The following CADPS variants were observed in gnomAD, a reference collection of about 807,000 sequenced individuals.
The protein encoded by CADPS is calcium dependent secretion activator.
Under a neutral mutation model 167.3 loss-of-function variants are expected in CADPS, and 57 were observed. That is an observed-to-expected ratio of 0.34 (90% CI 0.28 to 0.42). The LOEUF (loss-of-function observed/expected upper bound fraction) is 0.42. Ranked by LOEUF, CADPS falls within the 20% of genes least tolerant of loss-of-function variation. The pLI, the probability that CADPS is intolerant of heterozygous loss-of-function variation, is 1.00. For synonymous variants in CADPS, 676 were observed against 635.3 expected (o/e 1.06, Z -0.96); for missense variants, 1,414 against 1,738.1 (o/e 0.81, Z 3.32).
intron 4 of CADPS, among the ~76,000 whole-genome samples, chr3:62,657,274 G>C (rs1272890388): frequency 6.6e-6 from 1 of 152,114 alleles, no homozygotes. Flanking sequence ...ACGGGTCTAA[G>C]TGGCATTTTC....
intron 1 of CADPS, among the ~76,000 whole-genome samples, chr3:62,814,888 G>T (rs2094544274): frequency 6.6e-6 from 1 of 152,122 alleles, no homozygotes; most frequent in African/African-American, 2.4e-5. Flanking sequence ...TCAATGAAAT[G>T]AATCACTAAA....
chr3:62,420,535 T>C lies in CADPS; in HGVS notation c.3778-17350A>G, dbSNP rs1178994948. Among the ~76,000 whole-genome samples, 3 of 151,870 alleles carry C rather than the reference T, an allele frequency of 2.0e-5. No homozygotes were observed. Among genetic ancestry groups the C allele is most frequent in the African/African-American group, 4.8e-5 (2 of 41,340 alleles). The stretch of plus-strand genomic sequence containing the variant: ...CTGGAGGAGGGAAGATGGCAGCAGA[T>C]TGGGGAGAGCATGGCAGGCAGCACA... On this transcript the variant is annotated intron_variant, in intron 28 of 29. Transcript: ENST00000383710. The surrounding 1 kb of genome is among the most constrained non-coding windows in gnomAD (Gnocchi z 4.1).
At chr3:62,819,407 CGT>C (rs3047244) in intron 1 of CADPS, among the ~76,000 whole-genome samples, 7,557 of 143,886 alleles carry the variant, frequency 0.053, 187 homozygotes, top group Middle Eastern at 0.078. Context: ...AATCTGTGTG[CGT>C]GTGTGTGTGT....
In CADPS at chr3:62,874,296, C is replaced by T. The variant is rs1272728422; in HGVS notation, c.441+293G>A. ...TCCCCGAGCCTCTCGGTCCACAAAG[C>T]GGGACCTGCCTGCCTCGCTCACCAA... On this transcript the variant is annotated intron_variant, in intron 1 of 29. Transcript: ENST00000383710. This position sits in a 1 kb window ranked among gnomAD's most constrained non-coding sequence, Gnocchi z 7.1. Among the ~76,000 whole-genome samples, 3 of 152,188 alleles carry T rather than the reference C, an allele frequency of 2.0e-5. No homozygotes were observed. Among genetic ancestry groups the T allele is most frequent in the African/African-American group, 4.8e-5 (2 of 41,468 alleles).
intron 6 of CADPS, among the ~76,000 whole-genome samples, chr3:62,620,075 ATTTTT>A (rs562643759): frequency 1.4e-5 from 2 of 147,500 alleles, no homozygotes; most frequent in African/African-American, 5.0e-5. Flanking sequence ...GGTGCTATTG[ATTTTT>A]TTTTTTAACT....
intron 3 of CADPS, among the ~76,000 whole-genome samples, chr3:62,675,377 A>T (rs1443688716): frequency 2.6e-5 from 4 of 152,182 alleles, no homozygotes; most frequent in Admixed American, 2.6e-4. Context: ...GAATATCTAG[A>T]AATTGCTTGA....
At chr3:62,698,907 T>A (rs1159204632) in intron 3 of CADPS, among the ~76,000 whole-genome samples, 1 of 149,684 alleles carries the variant, frequency 6.7e-6, no homozygotes, top group African/African-American at 2.5e-5. Flanking sequence ...GCCCAGCTAT[T>A]TTTTTTAAAA....
At chr3:62,750,139 GT>G (rs2082367002) in intron 3 of CADPS, among the ~76,000 whole-genome samples, 2 of 151,880 alleles carry the variant, frequency 1.3e-5, no homozygotes, top group African/African-American at 2.4e-5. Context: ...GTCACCTGAG[GT>G]CCAGAGTTTG....
intron 1 of CADPS, among the ~76,000 whole-genome samples, chr3:62,870,548 G>T (rs1455713593): frequency 2.0e-5 from 3 of 152,092 alleles, no homozygotes; most frequent in Admixed American, 1.3e-4. Context: ...GATACAAGCT[G>T]AATCATACAG....
rs565799615 is a variant in CADPS, at chr3:62,544,078, C to A, written c.1966+5825G>T. Among the ~76,000 whole-genome samples, 1 of 151,816 alleles carries A rather than the reference C, an allele frequency of 6.6e-6. No homozygotes were observed. The highest frequency in any genetic ancestry group is 1.5e-5 in the Non-Finnish European group (1 of 67,954). On this transcript the variant is annotated intron_variant, in intron 11 of 29. Transcript: ENST00000383710. The surrounding 1 kb of genome is among the most constrained non-coding windows in gnomAD (Gnocchi z 4.4). ...GTCAACCTTGATACCAAGGTTAATA[C>A]CTTGGCATTGTAAGACTGTGAATCC...
intron 22 of CADPS, among the ~76,000 whole-genome samples, chr3:62,480,617 C>T (rs773312524): frequency 1.2e-4 from 19 of 152,212 alleles, no homozygotes; most frequent in East Asian, 3.9e-4. Flanking sequence ...TGCTGAGGGC[C>T]GTCTTGATGA....
At chr3:62,731,873 C>T (rs920146025) in intron 3 of CADPS, among the ~76,000 whole-genome samples, 14 of 138,472 alleles carry the variant, frequency 1.0e-4, no homozygotes, top group African/African-American at 3.6e-4. Flanking sequence ...AAGGGTAATT[C>T]GTGCTGAAAA....
At chr3:62,786,468 C>A (rs2092440423) in intron 1 of CADPS, among the ~76,000 whole-genome samples, 1 of 152,016 alleles carries the variant, frequency 6.6e-6, no homozygotes, top group Admixed American at 6.6e-5. Flanking sequence ...ATAGCAAGAC[C>A]CTATCTCTAA....
chr3:62,836,185 C>T (rs1028121767), intron 1 of CADPS, among the ~76,000 whole-genome samples: 1 of 152,182 alleles, frequency 6.6e-6, no homozygotes, highest in African/African-American at 2.4e-5. Context: ...GGTTGAGACT[C>T]ACTGGTCTAA....
At chr3:62,639,903 C>T (rs1016153463) in intron 6 of CADPS, among the ~76,000 whole-genome samples, 37 of 152,164 alleles carry the variant, frequency 2.4e-4, no homozygotes, top group Non-Finnish European at 5.0e-4. Context: ...CTTGCACTTG[C>T]TGTTTCCTCT....
At chr3:62,545,148 A>C (rs145937528) in intron 11 of CADPS, among the ~76,000 whole-genome samples, 23 of 152,312 alleles carry the variant, frequency 1.5e-4, no homozygotes, top group African/African-American at 3.6e-4. Flanking sequence ...AACAGTTATT[A>C]GTTGAGAAAC....
At chr3:62,718,032 A>C (rs143173501) in intron 3 of CADPS, among the ~76,000 whole-genome samples, 45 of 150,548 alleles carry the variant, frequency 3.0e-4, no homozygotes, top group Non-Finnish European at 4.4e-4. Context: ...TCTTAGAGTA[A>C]TTTTTTTTTT....
At chr3:62,541,710 A>G (rs1242134493) in intron 11 of CADPS, among the ~76,000 whole-genome samples, 1 of 152,128 alleles carries the variant, frequency 6.6e-6, no homozygotes, top group African/African-American at 2.4e-5. Flanking sequence ...TTCAAGTGGT[A>G]TGGTCCCTAA....
In CADPS at chr3:62,564,248, G is replaced by A. The variant is rs147571828; in HGVS notation, c.1644+6624C>T. The stretch of plus-strand genomic sequence containing the variant: ...GATTCCCTGACCTCATGATCCACCC[G>A]CCTCAGCCTCCCAAACTGCTGGGAT... On this transcript the variant is annotated intron_variant, in intron 9 of 29. Coordinates refer to ENST00000383710, the MANE Select transcript of CADPS (RefSeq NM_003716.4). Among the ~76,000 whole-genome samples, 1,487 of 152,130 alleles carry A rather than the reference G, an allele frequency of 9.8e-3. 20 individuals carry two copies. Among genetic ancestry groups the A allele is most frequent in the African/African-American group, 0.034 (1,420 of 41,504 alleles).
Sources: allele counts gnomAD v4.1 joint callset (sites outside exome capture counted in the v4.1 genomes callset), GRCh38; gene constraint gnomAD v4.1.1; non-coding constraint Gnocchi (gnomAD v3.1); transcripts MANE v1.5; gene names NCBI Gene and HGNC (gene_info 2026-07-23, HGNC 2026-07-21).